MAGI2: variants seen among roughly 807,000 people sequenced by gnomAD.
MAGI2 encodes the protein membrane-associated guanylate kinase, WW and PDZ domain-containing protein 2.
A neutral mutation model predicts 133.3 loss-of-function variants in MAGI2; 35 were observed. That is an observed-to-expected ratio of 0.26 (90% CI 0.20 to 0.35). The LOEUF (loss-of-function observed/expected upper bound fraction) is 0.35. MAGI2 is among the 10% of genes least tolerant of loss of function. The pLI, the probability that MAGI2 is intolerant of heterozygous loss-of-function variation, is 1.00. For synonymous variants in MAGI2, 729 were observed against 710.6 expected (o/e 1.03, Z -0.41); for missense variants, 1,636 against 1,863.4 (o/e 0.88, Z 2.25).
chr7:78,765,788 C>T (rs1003457246), intron 2 of MAGI2, among the ~76,000 whole-genome samples: 19 of 151,950 alleles, frequency 1.3e-4, no homozygotes, highest in Non-Finnish European at 2.5e-4. Context: ...ATAACACTAA[C>T]ATAAAACTAA....
intron 2 of MAGI2, among the ~76,000 whole-genome samples, chr7:78,722,683 G>A (rs1054862697): frequency 2.6e-5 from 4 of 151,924 alleles, no homozygotes; most frequent in East Asian, 3.9e-4. Flanking sequence ...AGTAAGACAC[G>A]GGCTAAATTT....
At chr7:79,070,572 A>G (rs933796038) in intron 1 of MAGI2, among the ~76,000 whole-genome samples, 1 of 151,304 alleles carries the variant, frequency 6.6e-6, no homozygotes, top group African/African-American at 2.4e-5. Context: ...GCTCACTGCA[A>G]GCTCCACCTC....
rs79483310 is a variant in MAGI2 at position 78,263,669 on chromosome 7, C to T, written c.1409-7088G>A. ...TAGTCTTCATATTCTCCATATCCAG[C>T]GGCTGCAAAGCACTAGATACTGCCT... On this transcript the variant is annotated intron_variant, in intron 9 of 21. Transcript: ENST00000354212. Among the ~76,000 whole-genome samples, 8 of 152,184 alleles carry T rather than the reference C, an allele frequency of 5.3e-5. No individual in the cohort carries two copies. The East Asian group carries it at 5.8e-4, about 11-fold the overall frequency.
At chr7:78,584,421 G>GAAAAAAAAAA (rs57844382) in intron 3 of MAGI2, among the ~76,000 whole-genome samples, 17 of 83,936 alleles carry the variant, frequency 2.0e-4, no homozygotes, top group African/African-American at 4.8e-4. Context: ...CTCCGTCTCA[G>GAAAAAAAAAA]AAAAAAAAAA....
At chr7:78,406,252 T>A (rs974153957) in intron 6 of MAGI2, among the ~76,000 whole-genome samples, 1 of 152,022 alleles carries the variant, frequency 6.6e-6, no homozygotes, top group Non-Finnish European at 1.5e-5. Context: ...TTTCCATGCC[T>A]CCAACTCTAT....
chr7:79,115,871 T>G (rs1819361915), intron 1 of MAGI2, among the ~76,000 whole-genome samples: 6 of 149,650 alleles, frequency 4.0e-5, no homozygotes, highest in South Asian at 4.2e-4. Flanking sequence ...TTTTTTTTTT[T>G]TTTTTTTTTT....
chr7:79,349,577 T>C (rs1484599597), intron 1 of MAGI2, among the ~76,000 whole-genome samples: 2 of 151,968 alleles, frequency 1.3e-5, no homozygotes, highest in African/African-American at 4.8e-5. Flanking sequence ...GAAAATTGAA[T>C]CTAGAGAGGT....
At chr7:78,697,269 A>G (rs1342610457) in intron 2 of MAGI2, among the ~76,000 whole-genome samples, 1 of 152,134 alleles carries the variant, frequency 6.6e-6, no homozygotes, top group Non-Finnish European at 1.5e-5. Context: ...ATGGAAATTT[A>G]AGCCTGTTGT....
intron 3 of MAGI2, among the ~76,000 whole-genome samples, chr7:78,596,191 G>T: frequency 7.7e-6 from 1 of 130,368 alleles, no homozygotes; most frequent in African/African-American, 2.8e-5. Context: ...AGGGAGGGAG[G>T]GAGGGAGGGA....
chr7:79,037,094 T>C (rs1052776540), intron 1 of MAGI2, among the ~76,000 whole-genome samples: 2 of 152,292 alleles, frequency 1.3e-5, no homozygotes, highest in South Asian at 4.1e-4. Context: ...CCATGATTTT[T>C]TGACAGAATG....
At chr7:78,817,529 G>T (rs1419825490) in intron 2 of MAGI2, among the ~76,000 whole-genome samples, 1 of 152,040 alleles carries the variant, frequency 6.6e-6, no homozygotes, top group Admixed American at 6.6e-5. Context: ...CCAAACTTCA[G>T]CAACACCACT....
chr7:78,447,435 C>A (rs145805212), intron 6 of MAGI2, among the ~76,000 whole-genome samples: 2,930 of 150,926 alleles, frequency 0.019, 89 homozygotes, highest in African/African-American at 0.067. Context: ...TTTTACTAAT[C>A]CTCTGGGATT....
At chr7:78,471,669 TA>T (rs746928933) in intron 6 of MAGI2, among the ~76,000 whole-genome samples, 4 of 152,118 alleles carry the variant, frequency 2.6e-5, no homozygotes, top group Admixed American at 1.3e-4. Context: ...CTCATGCCTG[TA>T]ATCTCAGCCA....
At chr7:78,438,643 T>C (rs1233346628) in intron 6 of MAGI2, among the ~76,000 whole-genome samples, 5 of 152,132 alleles carry the variant, frequency 3.3e-5, no homozygotes, top group African/African-American at 1.2e-4. Context: ...ACTCCAAACC[T>C]GGGTTTTGTC....
chr7:78,158,384 C>T (rs1824607787), intron 16 of MAGI2: 1 of 152,132 alleles, frequency 6.6e-6, no homozygotes, highest in African/African-American at 2.4e-5. Context: ...CCAAGGAAGC[C>T]TGAGAATCTG....
intron 1 of MAGI2, among the ~76,000 whole-genome samples, chr7:79,425,339 G>A (rs10262779): frequency 0.25 from 37,235 of 151,258 alleles, 6,641 homozygotes; most frequent in African/African-American, 0.51. Flanking sequence ...CTCAGCCATT[G>A]GGATTAAGAT....
chr7:78,177,878 A>G (rs1826812384), intron 14 of MAGI2, 133 bp downstream of exon 14: 1 of 587,746 alleles, frequency 1.7e-6, no homozygotes, highest in Non-Finnish European at 3.0e-6. Context: ...AGGAAAAAAA[A>G]AATCCAAAGC....
intron 9 of MAGI2, among the ~76,000 whole-genome samples, chr7:78,281,884 CAAAA>C (rs60871451): frequency 1.4e-5 from 2 of 139,702 alleles, no homozygotes; most frequent in African/African-American, 2.6e-5. Flanking sequence ...AACTCCATCT[CAAAA>C]AAAAAAAAAG....
intron 1 of MAGI2, among the ~76,000 whole-genome samples, chr7:79,439,439 C>G (rs765494528): frequency 6.6e-6 from 1 of 151,632 alleles, no homozygotes; most frequent in Admixed American, 6.6e-5. Flanking sequence ...AGTCTTCAGA[C>G]TCCAAGATCC....
Sources: allele counts gnomAD v4.1 joint callset (sites outside exome capture counted in the v4.1 genomes callset), GRCh38; gene constraint gnomAD v4.1.1; transcripts MANE v1.5; gene names NCBI Gene and HGNC (gene_info 2026-07-23, HGNC 2026-07-21).